The following RHPN2 variants were observed in gnomAD, a reference collection of about 807,000 sequenced individuals.
RHPN2 encodes the protein rhophilin-2.
RHPN2 carries 40 observed loss-of-function variants against 79.0 expected under a neutral mutation model. That is an observed-to-expected ratio of 0.51 (90% confidence interval 0.39 to 0.66). The LOEUF (loss-of-function observed/expected upper bound fraction) is 0.66, where lower values mean the gene tolerates loss of function less well. Among genes scored for constraint, RHPN2 ranks in the 30% least tolerant of loss-of-function variants. The pLI, the probability that RHPN2 is intolerant of heterozygous loss-of-function variation, is 0.00. For synonymous variants in RHPN2, 285 were observed against 363.5 expected (o/e 0.78, Z 2.46); for missense variants, 686 against 883.5 (o/e 0.78, Z 2.83).
chr19:32,986,505 T>C (rs1368184948), intron 14 of RHPN2, among the ~76,000 whole-genome samples: 1 of 152,120 alleles, frequency 6.6e-6, no homozygotes, highest in African/African-American at 2.4e-5. Context: ...TCTTTTAAAA[T>C]TTGAAGTATG....
chr19:32,983,308 T>C (rs147060901), intron 14 of RHPN2, among the ~76,000 whole-genome samples: 2,979 of 152,104 alleles, frequency 0.02, 44 homozygotes, highest in Admixed American at 0.038. Context: ...GTCAGGAGAT[T>C]GAGACCATCG....
Position 33,008,011 on chromosome 19 carries a change from T to C in RHPN2, c.760+3A>G, listed in dbSNP as rs1971806822. On this transcript the variant is annotated splice_donor_region_variant and intron_variant, in intron 7 of 14. Transcript: ENST00000254260. ...CGTCTGGTCAGCCCTGGAGGAGACA[T>C]ACCTGCGGCTCTCTGAAAGGCATCT... 6.2e-7 allele frequency: 1 copy of C among 1,611,910 alleles called. No homozygotes were observed. The highest frequency in any genetic ancestry group is 1.1e-5 in the South Asian group (1 of 90,998).
intron 11 of RHPN2, among the ~76,000 whole-genome samples, chr19:32,994,270 A>C (rs1490497382): frequency 1.3e-5 from 2 of 151,824 alleles, no homozygotes; most frequent in East Asian, 1.9e-4. Context: ...GTGGCAGGTG[A>C]CTGTAATCCG....
intron 7 of RHPN2, among the ~76,000 whole-genome samples, chr19:33,006,003 C>T (rs1227004186): frequency 2.0e-5 from 3 of 151,960 alleles, no homozygotes. Flanking sequence ...TCTCAGCCTC[C>T]CAAGTAGCTG....
At chr19:33,041,590 G>A (rs746362797) in intron 2 of RHPN2, among the ~76,000 whole-genome samples, 2 of 152,092 alleles carry the variant, frequency 1.3e-5, no homozygotes, top group Non-Finnish European at 2.9e-5. Context: ...CTCAGAAAGG[G>A]TGACTGCTGT....
At chr19:33,062,751 G>C in intron 1 of RHPN2, among the ~76,000 whole-genome samples, 1 of 147,702 alleles carries the variant, frequency 6.8e-6, no homozygotes, top group Middle Eastern at 3.2e-3. Flanking sequence ...CTGAGCGACA[G>C]AGTGAGACTC....
chr19:33,011,528 A>T, intron 6 of RHPN2, 151 bp downstream of exon 6: 1 of 902,402 alleles, frequency 1.1e-6, no homozygotes, highest in Non-Finnish European at 1.8e-6. Flanking sequence ...CAATGTATTG[A>T]CATCTTTTGA....
At chr19:33,020,555 G>A (rs10408569) in intron 4 of RHPN2, among the ~76,000 whole-genome samples, 45,514 of 150,060 alleles carry the variant, frequency 0.3, 8,165 homozygotes, top group East Asian at 0.49. Context: ...GGGCAGTGGC[G>A]TGATCTCGGC....
At chr19:33,052,795 G>A (rs1434194450) in intron 1 of RHPN2, among the ~76,000 whole-genome samples, 1 of 152,124 alleles carries the variant, frequency 6.6e-6, no homozygotes, top group Non-Finnish European at 1.5e-5. Context: ...CAGGGCTGGA[G>A]GTGAGGGCCC....
At chr19:33,060,742 G>A (rs770275079) in intron 1 of RHPN2, among the ~76,000 whole-genome samples, 3 of 152,074 alleles carry the variant, frequency 2.0e-5, no homozygotes, top group African/African-American at 7.2e-5. Context: ...TTATTGCCCA[G>A]AGTGGGCTTG....
chr19:32,983,586 T>A (rs1014335547), intron 14 of RHPN2, among the ~76,000 whole-genome samples: 1 of 143,216 alleles, frequency 7.0e-6, no homozygotes, highest in East Asian at 2.2e-4. Flanking sequence ...CCACACACAC[T>A]CTCTCACTCC....
At chr19:33,031,521 A>G (rs1972011735) in intron 2 of RHPN2, among the ~76,000 whole-genome samples, 1 of 152,034 alleles carries the variant, frequency 6.6e-6, no homozygotes, top group South Asian at 2.1e-4. Flanking sequence ...CTGGGATTAC[A>G]GGCGTGAGCC....
chr19:33,033,944 C>A (rs1040433372), intron 2 of RHPN2, among the ~76,000 whole-genome samples: 1 of 151,952 alleles, frequency 6.6e-6, no homozygotes, highest in African/African-American at 2.4e-5. Context: ...CCCTAGAGAG[C>A]TTCCACGTAA....
chr19:33,037,046 G>A (rs775126574), intron 2 of RHPN2, among the ~76,000 whole-genome samples: 9 of 152,260 alleles, frequency 5.9e-5, no homozygotes, highest in Non-Finnish European at 1.3e-4. Flanking sequence ...GATCCACTGG[G>A]TGAAGCCAGC....
intron 3 of RHPN2, among the ~76,000 whole-genome samples, chr19:33,024,902 C>T (rs182633755): frequency 3.9e-5 from 6 of 152,164 alleles, no homozygotes; most frequent in Admixed American, 1.3e-4. Flanking sequence ...CAGGTGTGCA[C>T]CACCATGCCC....
intron 1 of RHPN2, among the ~76,000 whole-genome samples, chr19:33,064,496 G>A (rs1972309953): frequency 6.6e-6 from 1 of 151,238 alleles, no homozygotes; most frequent in African/African-American, 2.4e-5. Flanking sequence ...TGGGAGGGGG[G>A]AGACCCAAGC....
chr19:33,014,379 C>T lies in RHPN2; in HGVS notation c.391-1655G>A, dbSNP rs1432322140. On this transcript the variant is annotated intron_variant, in intron 4 of 14. Transcript: ENST00000254260. Reference sequence around the variant, plus strand: ...GGAGTGCAATGGTGCAATCATAGCTCACTGCAGCCTTGAACTCCCGGGCTC... The same window carrying T: ...GGAGTGCAATGGTGCAATCATAGCTTACTGCAGCCTTGAACTCCCGGGCTC... 2.0e-5 allele frequency among the ~76,000 whole-genome samples: 3 copies of T among 152,078 alleles called. No individual in the cohort carries two copies. The East Asian group carries it at 5.8e-4, about 29-fold the overall frequency.
chr19:32,994,576 C>T (rs1362791977), intron 11 of RHPN2, among the ~76,000 whole-genome samples: 1 of 152,066 alleles, frequency 6.6e-6, no homozygotes, highest in Non-Finnish European at 1.5e-5. Context: ...AACTCCTTCC[C>T]GAGCTGGGAC....
chr19:33,051,685 C>A, intron 1 of RHPN2: 1 of 202,764 alleles, frequency 4.9e-6, no homozygotes, highest in South Asian at 7.1e-5. Flanking sequence ...ACATTTCTGC[C>A]ACTGTTACAA....
Sources: gnomAD v4.1 joint callset for allele counts (sites outside exome capture counted in the v4.1 genomes callset) on GRCh38, gnomAD v4.1.1 for gene constraint, MANE v1.5 for transcripts, NCBI Gene and HGNC (gene_info 2026-07-23, HGNC 2026-07-21) for gene names.